CCR5AS: variants seen among roughly 807,000 people sequenced by gnomAD.
The protein encoded by CCR5AS is CCR5 antisense RNA.
Position 46,372,528 on chromosome 3 carries a change from C to CACA in CCR5AS, n.392-1114_392-1112dup, listed in dbSNP as rs71619644. 6.1e-3 allele frequency: 1,024 copies of CACA among 168,008 alleles called. 12 individuals carry two copies. Among genetic ancestry groups the CACA allele is most frequent in the African/African-American group, 0.023 (967 of 41,654 alleles). 10.4% of individuals were successfully genotyped at this position (168,008 alleles called of 1,614,324 possible). On this transcript the variant is annotated intron_variant and non_coding_transcript_variant, in intron 2 of 3. Coordinates refer to ENST00000451485, the Ensembl canonical transcript of CCR5AS. Reference sequence around the variant, plus strand: ...TGGGCGACAGAGTGAGACCCTGTCTCACAACAACAACAACAACAACAAAAA... The same window carrying CACA: ...TGGGCGACAGAGTGAGACCCTGTCTCACAACAACAACAACAACAACAACAAAAA...
chr3:46,403,457 G>T (rs555610037), intron 1 of CCR5AS, among the ~76,000 whole-genome samples: 20 of 152,274 alleles, frequency 1.3e-4, no homozygotes, highest in Admixed American at 3.9e-4. Context: ...ACTTATAAAA[G>T]GGTATGAACT....
At position 46,400,154 on chromosome 3, in the gene CCR5AS, G is replaced by A. The variant is rs529531070; in HGVS notation, n.163+6743C>T. ...CTACAGACACACACCACCACTCCCA[G>A]CTATATTTTGTACATTTGTAGAGAC... is the stretch of plus-strand genomic sequence containing the variant. On this transcript the variant is annotated intron_variant and non_coding_transcript_variant, in intron 1 of 3. Coordinates refer to ENST00000451485, the Ensembl canonical transcript of CCR5AS. Among the ~76,000 whole-genome samples the A allele has an allele frequency of 1.5e-3, 229 of 152,096 alleles. 1 individual carries two copies. Among genetic ancestry groups the A allele is most frequent in the Non-Finnish European group, 2.6e-3 (178 of 67,976 alleles).
chr3:46,388,410 C>T (rs948401411), intron 2 of CCR5AS, among the ~76,000 whole-genome samples: 2 of 152,022 alleles, frequency 1.3e-5, no homozygotes, highest in Non-Finnish European at 2.9e-5. Context: ...AGAAACTAAA[C>T]GGAAGACACA....
At chr3:46,397,857 C>A (rs190911229) in intron 1 of CCR5AS, among the ~76,000 whole-genome samples, 13 of 152,180 alleles carry the variant, frequency 8.5e-5, no homozygotes, top group African/African-American at 3.1e-4. Context: ...TTACAACAAA[C>A]GGTCATTGAA....
At chr3:46,372,592 T>A (rs1308121842) in intron 2 of CCR5AS, 1 of 194,918 alleles carries the variant, frequency 5.1e-6, no homozygotes, top group African/African-American at 2.3e-5. Flanking sequence ...TTCTTAAAAT[T>A]GTTGTCAAAG....
At chr3:46,403,522 C>A (rs748854144) in intron 1 of CCR5AS, among the ~76,000 whole-genome samples, 4 of 152,194 alleles carry the variant, frequency 2.6e-5, no homozygotes, top group Non-Finnish European at 4.4e-5. Flanking sequence ...ATGTAGAGAG[C>A]AGCCATAACC....
intron 2 of CCR5AS, chr3:46,392,709 G>A (rs756156868): frequency 1.3e-5 from 2 of 152,512 alleles, no homozygotes; most frequent in Non-Finnish European, 2.9e-5. Context: ...TTGAGTTCAT[G>A]GATAAAATGT....
At chr3:46,386,398 CT>C (rs1701862947) in intron 2 of CCR5AS, among the ~76,000 whole-genome samples, 1 of 152,230 alleles carries the variant, frequency 6.6e-6, no homozygotes, top group Non-Finnish European at 1.5e-5. Context: ...CATGATCAGA[CT>C]TGCTTTTTCA....
intron 2 of CCR5AS, among the ~76,000 whole-genome samples, chr3:46,382,031 T>C (rs1033081985): frequency 1.3e-5 from 2 of 152,242 alleles, no homozygotes; most frequent in African/African-American, 4.8e-5. Flanking sequence ...ATCATTTGTT[T>C]GCTAACAAAG....
chr3:46,375,038 G>C (rs919840033), intron 2 of CCR5AS: 2 of 167,350 alleles, frequency 1.2e-5, no homozygotes, highest in African/African-American at 4.8e-5. Context: ...GCAGATTGGA[G>C]AAACCCTTGA....
chr3:46,402,857 C>T (rs533764793), intron 1 of CCR5AS, among the ~76,000 whole-genome samples: 74 of 152,288 alleles, frequency 4.9e-4, no homozygotes, highest in African/African-American at 1.7e-3. Context: ...GCCCAGTACT[C>T]AATAGGTATC....
chr3:46,365,057 G>GAT (rs1205792711), intron 3 of CCR5AS: 1 of 155,700 alleles, frequency 6.4e-6, no homozygotes, highest in African/African-American at 2.4e-5. Context: ...TGTGAACACG[G>GAT]TTAAAATGAC....
chr3:46,404,297 TTCTCTCTCTC>T (rs149336611), intron 1 of CCR5AS, among the ~76,000 whole-genome samples: 881 of 71,076 alleles, frequency 0.012, 24 homozygotes, highest in South Asian at 0.046. Flanking sequence ...CAGCAAGGCT[TTCTCTCTCTC>T]TCTCTCTCTC....
chr3:46,402,991 A>G (rs1373043250), intron 1 of CCR5AS, among the ~76,000 whole-genome samples: 2 of 152,162 alleles, frequency 1.3e-5, no homozygotes, highest in African/African-American at 4.8e-5. Context: ...AATACAAGGT[A>G]TTTGGTTTTC....
intron 1 of CCR5AS, among the ~76,000 whole-genome samples, chr3:46,400,254 G>T (rs868295770): frequency 9.9e-5 from 15 of 152,166 alleles, no homozygotes; most frequent in Admixed American, 8.5e-4. Flanking sequence ...GCCTCCCAAA[G>T]TGCTGGGATT....
intron 2 of CCR5AS, among the ~76,000 whole-genome samples, chr3:46,391,240 T>C (rs1260560430): frequency 1.3e-5 from 2 of 152,210 alleles, no homozygotes; most frequent in Non-Finnish European, 2.9e-5. Context: ...GCCTGGCCCC[T>C]GCAGTTTAGG....
intron 3 of CCR5AS, among the ~76,000 whole-genome samples, chr3:46,369,505 T>G (rs1038145881): frequency 7.9e-5 from 12 of 152,198 alleles, no homozygotes; most frequent in Non-Finnish European, 1.8e-4. Context: ...CAAGCAGTCA[T>G]TTCTTTCTAT....
intron 1 of CCR5AS, among the ~76,000 whole-genome samples, chr3:46,397,422 T>C (rs71327062): frequency 0.31 from 47,644 of 152,068 alleles, 9,382 homozygotes; most frequent in African/African-American, 0.56. Context: ...GCAACTGAGG[T>C]GAGTTTAATG....
chr3:46,374,127 T>C (rs1701718933), intron 2 of CCR5AS: 1 of 455,094 alleles, frequency 2.2e-6, no homozygotes. Flanking sequence ...TTAAAGTAGA[T>C]TAGATCTTTT....
Sources: gnomAD v4.1 joint callset for allele counts (sites outside exome capture counted in the v4.1 genomes callset) on GRCh38, gnomAD v4.1.1 for gene constraint, MANE v1.5 for transcripts, NCBI Gene and HGNC (gene_info 2026-07-23, HGNC 2026-07-21) for gene names.